Variants in TPD52L1 observed in about 807,000 individuals in gnomAD.
TPD52L1 encodes tumor protein D53.
Under a neutral mutation model 28.7 loss-of-function variants are expected in TPD52L1, and 18 were observed. That is an observed-to-expected ratio of 0.63 (90% CI 0.43 to 0.93). TPD52L1 has a LOEUF of 0.93. TPD52L1 is among the 40% of genes least tolerant of loss of function. The pLI, the probability that TPD52L1 is intolerant of heterozygous loss-of-function variation, is 0.00. For missense variants in TPD52L1, 203 were observed against 254.8 expected (o/e 0.80, Z 1.39); for synonymous variants, 75 against 88.8 (o/e 0.84, Z 0.88).
intron 1 of TPD52L1, among the ~76,000 whole-genome samples, chr6:125,162,347 T>G (rs73771224): frequency 0.017 from 2,566 of 152,316 alleles, 77 homozygotes; most frequent in African/African-American, 0.059. Flanking sequence ...GCCTTCCCTG[T>G]TATACACCTT....
At chr6:125,214,462 C>T (rs1347917602) in intron 1 of TPD52L1, 18 of 984,086 alleles carry the variant, frequency 1.8e-5, no homozygotes, top group Non-Finnish European at 1.9e-5. Flanking sequence ...CATACCTCCT[C>T]GGTAAGTCCT....
Position 125,263,331 on chromosome 6 carries a change from A to C in TPD52L1, c.*369A>C. 1 of 213,870 alleles carries C rather than the reference A, an allele frequency of 4.7e-6. No individual in the cohort carries two copies. The highest frequency in any genetic ancestry group is 8.0e-5 in the South Asian group (1 of 12,522). The allele number at this position is 213,870 out of a possible 1,614,324, so 13.2% of individuals were successfully genotyped here. On this transcript the variant is annotated 3_prime_UTR_variant, in exon 7 of 7. Coordinates refer to ENST00000534000, the MANE Select transcript of TPD52L1 (RefSeq NM_003287.4). ...ATGATGTGCATGTCCTTGAAGGCTG[A>C]ATGAACAGTCCCTTTCAGTTCAGCA...
rs1797048084 is a variant in TPD52L1 at position 125,248,384 on chromosome 6, G to A, written c.386+1G>A. ...TCAGCAAGAAGTTCGGAGACATGAG[G>A]TACTGTGGGAAAATACCATGGGAAC... is the stretch of plus-strand genomic sequence containing the variant. On this transcript the variant is annotated splice_donor_variant, in intron 4 of 6. Coordinates refer to ENST00000534000, the MANE Select transcript of TPD52L1 (RefSeq NM_003287.4). LOFTEE classifies it high-confidence loss of function. The A allele has an allele frequency of 1.2e-6, 2 of 1,613,382 alleles. No individual in the cohort carries two copies. Among genetic ancestry groups the A allele is most frequent in the Non-Finnish European group, 1.7e-6 (2 of 1,179,450 alleles).
intron 1 of TPD52L1, among the ~76,000 whole-genome samples, chr6:125,180,928 T>TATGA (rs1562232905): frequency 6.6e-6 from 1 of 151,576 alleles, no homozygotes; most frequent in Non-Finnish European, 1.5e-5. Context: ...TATATCTGAT[T>TATGA]GTATTCACAG....
At chr6:125,156,432 C>A (rs1430328309) in intron 1 of TPD52L1, among the ~76,000 whole-genome samples, 1 of 141,186 alleles carries the variant, frequency 7.1e-6, no homozygotes, top group African/African-American at 2.7e-5. Flanking sequence ...CAGCATTGCA[C>A]TCTAGTCTGG....
intron 1 of TPD52L1, among the ~76,000 whole-genome samples, chr6:125,197,220 C>T (rs1420088550): frequency 2.0e-5 from 3 of 152,182 alleles, no homozygotes; most frequent in Non-Finnish European, 4.4e-5. Context: ...CTAGAGATGT[C>T]CCTTTTCCAG....
At chr6:125,256,325 G>T (rs536191904) in intron 5 of TPD52L1, among the ~76,000 whole-genome samples, 1 of 152,186 alleles carries the variant, frequency 6.6e-6, no homozygotes, top group South Asian at 2.1e-4. Context: ...ATTCCAGCCT[G>T]GGTGACAGAA....
intron 1 of TPD52L1, 97 bp from the exon 2 acceptor site, chr6:125,219,981 G>T: frequency 1.2e-6 from 1 of 835,630 alleles, no homozygotes; most frequent in Non-Finnish European, 2.1e-6. Flanking sequence ...TTGGTGGGAG[G>T]GTCTGTCAGT....
chr6:125,235,131 T>A (rs566468552), intron 3 of TPD52L1, among the ~76,000 whole-genome samples: 6 of 149,906 alleles, frequency 4.0e-5, no homozygotes, highest in Non-Finnish European at 7.4e-5. Flanking sequence ...ATAATAATAA[T>A]AAAACACCAA....
At chr6:125,258,438 A>G (rs1003012023) in intron 6 of TPD52L1, among the ~76,000 whole-genome samples, 1 of 152,064 alleles carries the variant, frequency 6.6e-6, no homozygotes, top group Non-Finnish European at 1.5e-5. Flanking sequence ...TTCTTGCTAG[A>G]AGATCAAAAT....
intron 6 of TPD52L1, chr6:125,261,081 G>A (rs927116738): frequency 3.3e-5 from 5 of 151,878 alleles, no homozygotes; most frequent in South Asian, 2.1e-4. Context: ...GGGAAGCCAC[G>A]CTCATTCACT....
At chr6:125,161,490 GC>G (rs1790520604) in intron 1 of TPD52L1, among the ~76,000 whole-genome samples, 1 of 152,124 alleles carries the variant, frequency 6.6e-6, no homozygotes, top group Admixed American at 6.5e-5. Context: ...TGCCTTCCTT[GC>G]TAAGTTTAAT....
intron 3 of TPD52L1, among the ~76,000 whole-genome samples, chr6:125,246,123 C>T (rs1796909338): frequency 6.6e-6 from 1 of 152,192 alleles, no homozygotes; most frequent in Non-Finnish European, 1.5e-5. Context: ...GCCTATAAGG[C>T]TTTTCCCATT....
rs181038356 is a variant in TPD52L1 at position 125,170,886 on chromosome 6, T to C, written c.19+16916T>C. On this transcript the variant is annotated intron_variant, in intron 1 of 6. Coordinates refer to ENST00000534000, the MANE Select transcript of TPD52L1 (RefSeq NM_003287.4). ...AACCTGTGCCTCCTCTTCTAGACCA[T>C]GTTCTGGTATCTGAGACTCCAGAAT... is the stretch of plus-strand genomic sequence containing the variant. 5.2e-3 allele frequency among the ~76,000 whole-genome samples: 776 copies of C among 150,458 alleles called. 7 individuals carry two copies. Among genetic ancestry groups the C allele is most frequent in the African/African-American group, 0.018 (739 of 40,780 alleles).
Position 125,245,942 on chromosome 6 carries a change from C to A in TPD52L1, c.285-2340C>A, listed in dbSNP as rs545003167. Among the ~76,000 whole-genome samples the A allele has an allele frequency of 2.6e-4, 39 of 152,324 alleles. No individual in the cohort carries two copies. In the South Asian group the frequency reaches 6.2e-3, roughly 24 times the overall value. ...TATCTGCAGCAGTTTCCACTCACCC[C>A]CCAGATTCTGCTTAAGAAAGTTCAC... On this transcript the variant is annotated intron_variant, in intron 3 of 6. Coordinates refer to ENST00000534000, the MANE Select transcript of TPD52L1 (RefSeq NM_003287.4).
chr6:125,214,210 A>G lies in TPD52L1; in HGVS notation c.20-5868A>G, dbSNP rs1235552005. Among the ~76,000 whole-genome samples, 8 of 152,194 alleles carry G rather than the reference A, an allele frequency of 5.3e-5. No homozygotes were observed. The East Asian group carries it at 1.5e-3, about 29-fold the overall frequency. ...CTTCCCATTGGCCAAGGGCATGGGA[A>G]TCATATTGATATAATCCTTAGGTCA... On this transcript the variant is annotated intron_variant, in intron 1 of 6. Coordinates refer to ENST00000534000, the MANE Select transcript of TPD52L1 (RefSeq NM_003287.4).
intron 2 of TPD52L1, among the ~76,000 whole-genome samples, chr6:125,225,958 G>A (rs530639415): frequency 6.6e-5 from 10 of 152,164 alleles, no homozygotes; most frequent in East Asian, 5.8e-4. Context: ...CCAAACGATC[G>A]CAGTCAAATA....
chr6:125,213,983 G>A (rs1045450661), intron 1 of TPD52L1, among the ~76,000 whole-genome samples: 10 of 152,166 alleles, frequency 6.6e-5, no homozygotes, highest in African/African-American at 2.4e-4. Context: ...AGCCGCAGTA[G>A]GAAGTCAATA....
intron 1 of TPD52L1, among the ~76,000 whole-genome samples, chr6:125,210,671 T>C (rs521705): frequency 0.15 from 22,635 of 152,252 alleles, 2,055 homozygotes; most frequent in East Asian, 0.27. Flanking sequence ...CTTTCTTCTA[T>C]AGGGCTTCAA....
Sources: allele counts gnomAD v4.1 joint callset (sites outside exome capture counted in the v4.1 genomes callset), GRCh38; gene constraint gnomAD v4.1.1; transcripts MANE v1.5; gene names NCBI Gene and HGNC (gene_info 2026-07-23, HGNC 2026-07-21).